The following DHRSX variants were observed in gnomAD, a reference collection of about 807,000 sequenced individuals.
DHRSX encodes dehydrogenase/reductase X-linked.
A neutral mutation model predicts 34.0 loss-of-function variants in DHRSX; 31 were observed. That is an observed-to-expected ratio of 0.91 (90% CI 0.69 to 1.23). The LOEUF is 1.23. Ranked by LOEUF, DHRSX falls within the 50% of genes most tolerant of loss-of-function variation. The pLI is 0.00. For synonymous variants in DHRSX, 201 were observed against 183.8 expected, an observed-to-expected ratio of 1.09 and a Z score of -0.76; for missense variants, 414 against 428.1, an observed-to-expected ratio of 0.97 and a Z score of 0.29.
chrX:2,445,180 T>C (rs1424506691), intron 1 of DHRSX, among the ~76,000 whole-genome samples: 1 of 152,040 alleles, frequency 6.6e-6, no homozygotes, highest in Non-Finnish European at 1.5e-5. Flanking sequence ...CATTAGATAG[T>C]ACCGGACACG....
chrX:2,438,191 A>C (rs2044019370), intron 1 of DHRSX, among the ~76,000 whole-genome samples: 1 of 151,248 alleles, frequency 6.6e-6, no homozygotes, highest in East Asian at 2.0e-4. Flanking sequence ...AAAAAAAAAA[A>C]AAACCTGAAT....
At chrX:2,338,619 G>A (rs1329722997) in intron 3 of DHRSX, among the ~76,000 whole-genome samples, 1 of 151,878 alleles carries the variant, frequency 6.6e-6, no homozygotes, top group Non-Finnish European at 1.5e-5. Flanking sequence ...AGAGCCTGGC[G>A]TCTCCCGTCT....
chrX:2,448,184 A>T lies in DHRSX; in HGVS notation c.110-22880T>A, dbSNP rs184317769. ...AAGATCCCATCTACATAAAAAATTTAAAAATTAACCAGGTGTGGTGGTGTG... is the reference window on the plus strand; with the variant it reads ...AAGATCCCATCTACATAAAAAATTTTAAAATTAACCAGGTGTGGTGGTGTG... On this transcript the variant is annotated intron_variant, in intron 1 of 6. Transcript: ENST00000334651. Among the ~76,000 whole-genome samples, 533 of 151,370 alleles carry T rather than the reference A, an allele frequency of 3.5e-3. 5 individuals are homozygous for T. The highest frequency in any genetic ancestry group is 0.012 in the African/African-American group (508 of 41,132).
intron 6 of DHRSX, among the ~76,000 whole-genome samples, chrX:2,236,892 A>G (rs958578427): frequency 6.6e-6 from 1 of 151,714 alleles, no homozygotes; most frequent in Non-Finnish European, 1.5e-5. Context: ...ATAAAAAAAA[A>G]AAAAGAAATG....
At chrX:2,492,480 G>A (rs1453011233) in intron 1 of DHRSX, among the ~76,000 whole-genome samples, 1 of 151,950 alleles carries the variant, frequency 6.6e-6, no homozygotes, top group Non-Finnish European at 1.5e-5. Context: ...CCCGCAGAAA[G>A]ATCTGTCCAC....
At chrX:2,344,380 C>A (rs183431490) in intron 3 of DHRSX, among the ~76,000 whole-genome samples, 1 of 152,072 alleles carries the variant, frequency 6.6e-6, no homozygotes, top group Non-Finnish European at 1.5e-5. Context: ...GAAATAGGAA[C>A]GCTTTTACAC....
chrX:2,261,911 G>C (rs2041369013), intron 5 of DHRSX: 1 of 152,226 alleles, frequency 6.6e-6, no homozygotes, highest in South Asian at 2.1e-4. Flanking sequence ...TTGGCGAGCG[G>C]TAATGCCTGC....
rs150749982 is a variant in DHRSX, at chrX:2,381,384, C to T, written c.286+27361G>A. On this transcript the variant is annotated intron_variant, in intron 3 of 6. Coordinates refer to ENST00000334651, the MANE Select transcript of DHRSX (RefSeq NM_145177.3). ...AAGCAGGTCCTCACCAGACACTGAACGTGGCATGCTTTGATCTTGGACTTC... is the reference window on the plus strand; with the variant it reads ...AAGCAGGTCCTCACCAGACACTGAATGTGGCATGCTTTGATCTTGGACTTC... Among the ~76,000 whole-genome samples the T allele has an allele frequency of 8.5e-3, 1,298 of 152,184 alleles. 29 individuals are homozygous for T. In the East Asian group the frequency reaches 0.091, roughly 11 times the overall value.
intron 3 of DHRSX, among the ~76,000 whole-genome samples, chrX:2,314,452 A>AG (rs2042213418): frequency 1.0e-5 from 1 of 95,694 alleles, no homozygotes; most frequent in Non-Finnish European, 1.9e-5. Context: ...GAAGGGGAGA[A>AG]GGGAGGAAGG....
At position 2,243,041 on chromosome X, in the gene DHRSX, G is replaced by A. The variant is rs765370214; in HGVS notation, c.786C>T (p.Leu262=). The change falls in exon 6 of 7, where the codon CTC becomes CTT. Residue 262 remains leucine, a synonymous_variant. Transcript: ENST00000334651. ...GGCTTACCTTGAAAAGCAACCAGCC[G>A]AGAAGCTTCTTCGCCAGACGGGTGG... ...FWATRLAKKL[L]GWLLFKTPDE... The A allele has an allele frequency of 8.7e-5, 141 of 1,613,542 alleles. No individual in the cohort carries two copies. The South Asian group carries it at 1.1e-3, about 12-fold the overall frequency.
chrX:2,490,791 A>C, intron 1 of DHRSX: 1 of 1,554,272 alleles, frequency 6.4e-7, no homozygotes, highest in Non-Finnish European at 8.7e-7. Context: ...GGCCAAGACA[A>C]ACACAGCATG....
intron 3 of DHRSX, among the ~76,000 whole-genome samples, chrX:2,379,191 C>G (rs7059484): frequency 0.044 from 6,732 of 152,006 alleles, 456 homozygotes; most frequent in African/African-American, 0.15. Flanking sequence ...CTTCAGAGTC[C>G]CCTGTAAATG....
At chrX:2,302,614 A>AATAAATAT (rs2042026230) in intron 3 of DHRSX, among the ~76,000 whole-genome samples, 1 of 145,332 alleles carries the variant, frequency 6.9e-6, no homozygotes, top group South Asian at 2.1e-4. Flanking sequence ...TGTCTCAAAA[A>AATAAATAT]ATAAATAAAT....
Position 2,289,263 on chromosome X carries a change from G to T in DHRSX, c.388+2239C>A, listed in dbSNP as rs2041839863. 2.6e-5 allele frequency among the ~76,000 whole-genome samples: 4 copies of T among 151,986 alleles called. No individual in the cohort carries two copies. The South Asian group carries it at 8.3e-4, about 32-fold the overall frequency. On this transcript the variant is annotated intron_variant, in intron 4 of 6. Coordinates refer to ENST00000334651, the MANE Select transcript of DHRSX (RefSeq NM_145177.3). ...CTCCTGAGTAGCTGGGACTACAGAT[G>T]CCCGCCACCACGCCTGGCTAATATT...
At chrX:2,254,955 CTT>C (rs1428614734) in intron 5 of DHRSX, among the ~76,000 whole-genome samples, 1 of 137,298 alleles carries the variant, frequency 7.3e-6, no homozygotes, top group Non-Finnish European at 1.6e-5. Flanking sequence ...CGCCCCCCCC[CTT>C]TTTTTTCTTT....
chrX:2,428,791 G>A (rs2043881309), intron 1 of DHRSX, among the ~76,000 whole-genome samples: 1 of 152,054 alleles, frequency 6.6e-6, no homozygotes, highest in African/African-American at 2.4e-5. Context: ...AAACAATAAA[G>A]CCTATGCTGC....
intron 6 of DHRSX, among the ~76,000 whole-genome samples, chrX:2,231,384 CCTCT>C (rs1165900912): frequency 1.3e-5 from 2 of 151,860 alleles, no homozygotes; most frequent in African/African-American, 2.4e-5. Flanking sequence ...TCTTTCCCTC[CCTCT>C]CTCTCACACC....
intron 3 of DHRSX, among the ~76,000 whole-genome samples, chrX:2,377,742 CTT>C (rs745465210): frequency 0.034 from 4,869 of 144,550 alleles, 202 homozygotes; most frequent in African/African-American, 0.096. Context: ...GCACACAATA[CTT>C]TTTTTTTTTT....
chrX:2,221,023 C>T lies in DHRSX; in HGVS notation c.*18G>A. 2 of 1,610,336 alleles carry T rather than the reference C, an allele frequency of 1.2e-6. No homozygotes were observed. Among genetic ancestry groups the T allele is most frequent in the South Asian group, 1.1e-5 (1 of 90,724 alleles). ...TGCAATGTGTTTCTTGGGGCAGCAG[C>T]TATCCTGAGACAGGATATCACAGGG... On this transcript the variant is annotated 3_prime_UTR_variant, in exon 7 of 7. Coordinates refer to ENST00000334651, the MANE Select transcript of DHRSX (RefSeq NM_145177.3).
Sources: allele counts gnomAD v4.1 joint callset (sites outside exome capture counted in the v4.1 genomes callset), GRCh38; gene constraint gnomAD v4.1.1; transcripts MANE v1.5; gene names NCBI Gene and HGNC (gene_info 2026-07-23, HGNC 2026-07-21).